ANKRD52: variants seen among roughly 807,000 people sequenced by gnomAD.
The protein encoded by ANKRD52 is serine/threonine-protein phosphatase 6 regulatory ankyrin repeat subunit C.
In ANKRD52, 7 loss-of-function variants were observed where a neutral mutation model predicts 116.0. That is an observed-to-expected ratio of 0.06 (90% CI 0.03 to 0.11). The LOEUF (loss-of-function observed/expected upper bound fraction) is 0.11, where lower values mean the gene tolerates loss of function less well. ANKRD52 is among the 10% of genes least tolerant of loss of function. The pLI is 1.00. For synonymous variants in ANKRD52, 528 were observed against 578.1 expected, an observed-to-expected ratio of 0.91 and a Z score of 1.24; for missense variants, 839 against 1,408.6, an observed-to-expected ratio of 0.60 and a Z score of 6.47.
Position 56,254,946 on chromosome 12 carries a change from T to A in ANKRD52, c.469A>T (p.Asn157Tyr), listed in dbSNP as rs1871875710. 1 of 1,612,626 alleles carries A rather than the reference T, an allele frequency of 6.2e-7. No individual in the cohort carries two copies. Among genetic ancestry groups the A allele is most frequent in the Admixed American group, 1.7e-5 (1 of 59,976 alleles). Residue 157 changes from asparagine to tyrosine, a missense_variant, in exon 6 of 28, where the codon AAC becomes TAC. Physicochemically the swap from Asn to Tyr is moderately radical, Grantham distance 143 (BLOSUM62 -2). Coordinates refer to ENST00000267116, the MANE Select transcript of ANKRD52 (RefSeq NM_173595.4). The surrounding 1 kb of genome is among the most constrained non-coding windows in gnomAD (Gnocchi z 4.6). ...AVHSGHLETV[N>Y]LLLNKGASLN... The stretch of plus-strand genomic sequence containing the variant: ...CTGGCTCCCTTGTTGAGGAGCAGGT[T>A]CACCGTCTGCATCAGGATATGAAAG...
intron 3 of ANKRD52, 28 bp from the exon 4 acceptor site, chr12:56,257,113 T>C: frequency 1.2e-6 from 2 of 1,606,176 alleles, no homozygotes; most frequent in Non-Finnish European, 1.7e-6. Context: ...CCTATTTTGA[T>C]GGAAGGTGGG....
In ANKRD52 at chr12:56,258,357, G is replaced by A; in HGVS notation, c.-88C>T. The A allele has an allele frequency of 7.4e-7, 1 of 1,354,838 alleles. No homozygotes were observed. The allele number at this position is 1,354,838 out of a possible 1,614,324, so 83.9% of individuals were successfully genotyped here. ...ACACGGAGCGGCCCAGGCGGCGGCT[G>A]CGGTGGCGGCTGCAGGGAGAGCGCG... On this transcript the variant is annotated 5_prime_UTR_variant, in exon 1 of 28. Coordinates refer to ENST00000267116, the MANE Select transcript of ANKRD52 (RefSeq NM_173595.4).
In ANKRD52 at chr12:56,255,001, C is replaced by T. The variant is rs1871879854; in HGVS notation, c.463-49G>A. ...CTGTTCAGAGCTAGATTCGTGCCCT[C>T]AACCTACCTAAGAGCAGAGGCCTCA... On this transcript the variant is annotated intron_variant, in intron 5 of 27. Transcript: ENST00000267116. The surrounding 1 kb of genome is among the most constrained non-coding windows in gnomAD (Gnocchi z 4.3). 2 of 1,576,366 alleles carry T rather than the reference C, an allele frequency of 1.3e-6. No homozygotes were observed. The highest frequency in any genetic ancestry group is 2.7e-5 in the African/African-American group (2 of 74,180).
intron 4 of ANKRD52, 109 bp downstream of exon 4, chr12:56,256,906 T>TG: frequency 8.2e-7 from 1 of 1,219,930 alleles, no homozygotes; most frequent in Admixed American, 2.8e-5. Flanking sequence ...CCTCACTACC[T>TG]GGGGTAGAAC....
At chr12:56,249,219 T>G (rs931941652) in intron 15 of ANKRD52, among the ~76,000 whole-genome samples, 1 of 152,174 alleles carries the variant, frequency 6.6e-6, no homozygotes, top group African/African-American at 2.4e-5. Context: ...TGCTTTCTCC[T>G]CCCAGCCCAC....
chr12:56,245,584 A>T lies in ANKRD52; in HGVS notation c.2197T>A (p.Cys733Ser). 6.2e-7 allele frequency: 1 copy of T among 1,606,148 alleles called. No individual in the cohort carries two copies. Among genetic ancestry groups the T allele is most frequent in the Non-Finnish European group, 8.5e-7 (1 of 1,177,966 alleles). The change falls in exon 21 of 28, where the codon TGT (cysteine) becomes AGT (serine). Residue 733 changes from cysteine (C) to serine (S), a missense_variant. Cys to Ser is a moderately radical substitution (Grantham distance 112, BLOSUM62 -1). Coordinates refer to ENST00000267116, the MANE Select transcript of ANKRD52 (RefSeq NM_173595.4). ...AGCAGGGCAGCCAGGCAGTCCTCAC[A>T]GCCAGTCACTGCCTGTGAGTAACAT... ...TALHRGAVTG[C>S]EDCLAALLDH...
intron 2 of ANKRD52, 82 bp from the exon 3 acceptor site, chr12:56,257,443 A>C (rs555276004): frequency 8.1e-7 from 1 of 1,233,696 alleles, no homozygotes; most frequent in African/African-American, 1.5e-5. Flanking sequence ...TCAGAGCTCC[A>C]GGCCCTTCCC....
At position 56,248,378 on chromosome 12, in the gene ANKRD52, A is replaced by T. The variant is rs541884726; in HGVS notation, c.1776+117T>A. 9.1e-5 allele frequency: 129 copies of T among 1,412,794 alleles called. No homozygotes were observed. The East Asian group carries it at 1.3e-3, about 15-fold the overall frequency. 87.5% of individuals were successfully genotyped at this position (1,412,794 alleles called of 1,614,324 possible). On this transcript the variant is annotated intron_variant, in intron 17 of 27. Transcript: ENST00000267116. The surrounding 1 kb of genome is among the most constrained non-coding windows in gnomAD (Gnocchi z 5.1). ...AGGCTTCCTACCCTGCACTGTGCTT[A>T]TCCCCTCTCCCACAAAAAGGCAGAA...
Position 56,253,133 on chromosome 12 carries a change from A to T in ANKRD52, c.1101-47T>A. On this transcript the variant is annotated intron_variant, in intron 10 of 27. Transcript: ENST00000267116. The surrounding 1 kb of genome is among the most constrained non-coding windows in gnomAD (Gnocchi z 5.5). ...CAGTCCTTGGGTCAAGGAGGGACCA[A>T]GTAAGACCTCTTCTGTGACCTACCA... 1.3e-6 allele frequency: 2 copies of T among 1,501,264 alleles called. No homozygotes were observed. The highest frequency in any genetic ancestry group is 2.6e-5 in the South Asian group (2 of 78,050). The allele number at this position is 1,501,264 out of a possible 1,614,324, so 93.0% of individuals were successfully genotyped here. A position where few individuals can be genotyped will look rare whatever the true frequency, so the allele number is the denominator to read the frequency against.
chr12:56,253,693 TGA>T lies in ANKRD52; in HGVS notation c.985+27_985+28del. On this transcript the variant is annotated intron_variant, in intron 9 of 27. Coordinates refer to ENST00000267116, the MANE Select transcript of ANKRD52 (RefSeq NM_173595.4). This position sits in a 1 kb window ranked among gnomAD's most constrained non-coding sequence, Gnocchi z 5.5. The stretch of plus-strand genomic sequence containing the variant: ...ATGAGTTCCTTGGGGGAGGAGGGGA[TGA>T]GAGCACAAAGTCTCCCAGGTCCATA... The T allele has an allele frequency of 1.9e-6, 3 of 1,604,954 alleles. No homozygotes were observed. Among genetic ancestry groups the T allele is most frequent in the Non-Finnish European group, 1.7e-6 (2 of 1,172,452 alleles).
rs1165248332 is a variant in ANKRD52 at position 56,252,443 on chromosome 12, T to A, written c.1370+59A>T. ...GTCTCCAATCTAAACCCTTCCTCCC[T>A]CTACCATTTGTTTCTCTAATCAGAT... On this transcript the variant is annotated intron_variant, in intron 13 of 27. Coordinates refer to ENST00000267116, the MANE Select transcript of ANKRD52 (RefSeq NM_173595.4). This position sits in a 1 kb window ranked among gnomAD's most constrained non-coding sequence, Gnocchi z 4.7. The A allele has an allele frequency of 6.3e-7, 1 of 1,597,772 alleles. No homozygotes were observed. Among genetic ancestry groups the A allele is most frequent in the Non-Finnish European group, 8.6e-7 (1 of 1,165,678 alleles).
Position 56,242,379 on chromosome 12 carries a change from G to A in ANKRD52, c.*763C>T. 1 of 387,538 alleles carries A rather than the reference G, an allele frequency of 2.6e-6. No homozygotes were observed. Among genetic ancestry groups the A allele is most frequent in the Non-Finnish European group, 4.6e-6 (1 of 219,572 alleles). 24.0% of individuals were successfully genotyped at this position (387,538 alleles called of 1,614,324 possible). A position where few individuals can be genotyped will look rare whatever the true frequency, so the allele number is the denominator to read the frequency against. Reference sequence around the variant, plus strand: ...AAAAGAAGATAAAAGAAAGAAGCAAGGTTAAAGTGCGTGGTTAGGGGCCAG... The same window carrying A: ...AAAAGAAGATAAAAGAAAGAAGCAAAGTTAAAGTGCGTGGTTAGGGGCCAG... On this transcript the variant is annotated 3_prime_UTR_variant, in exon 28 of 28. Transcript: ENST00000267116. The surrounding 1 kb of genome is among the most constrained non-coding windows in gnomAD (Gnocchi z 4.3).
rs535339322 is a variant in ANKRD52 at position 56,248,360 on chromosome 12, C to A, written c.1776+135G>T. 9.6e-5 allele frequency: 134 copies of A among 1,395,018 alleles called. No individual in the cohort carries two copies. The highest frequency in any genetic ancestry group is 5.5e-4 in the Middle Eastern group (3 of 5,432). 86.4% of individuals were successfully genotyped at this position (1,395,018 alleles called of 1,614,324 possible). A position where few individuals can be genotyped will look rare whatever the true frequency, so the allele number is the denominator to read the frequency against. ...AGCTCCTTGGGCCCCTTAAGGCTTC[C>A]TACCCTGCACTGTGCTTATCCCCTC... On this transcript the variant is annotated intron_variant, in intron 17 of 27. Coordinates refer to ENST00000267116, the MANE Select transcript of ANKRD52 (RefSeq NM_173595.4). The surrounding 1 kb of genome is among the most constrained non-coding windows in gnomAD (Gnocchi z 5.1).
intron 15 of ANKRD52, among the ~76,000 whole-genome samples, chr12:56,251,240 C>T (rs1243754435): frequency 1.3e-5 from 2 of 151,018 alleles, no homozygotes; most frequent in African/African-American, 4.9e-5. Flanking sequence ...CACACCCGGC[C>T]TATTTTTAAT....
Position 56,247,714 on chromosome 12 carries a change from A to G in ANKRD52, c.2039T>C (p.Ile680Thr), listed in dbSNP as rs769405082. ...TCCATAGGCATCCATGACATCTGTG[A>G]TGTCAGCTCGTTCCCCACTGTCGAT... ...LLIDSGERAD[I>T]TDVMDAYGQT... is the part of the protein sequence containing the mutation. The change falls in exon 19 of 28, where the codon ATC becomes ACC. Residue 680 changes from isoleucine (I) to threonine (T), a missense_variant. Around this residue, in one of 2 missense-constraint regions of ANKRD52, gnomAD observed 552 missense variants for 810.6 expected, o/e 0.68. Coordinates refer to ENST00000267116, the MANE Select transcript of ANKRD52 (RefSeq NM_173595.4). 1 of 1,612,396 alleles carries G rather than the reference A, an allele frequency of 6.2e-7. No homozygotes were observed. The highest frequency in any genetic ancestry group is 1.7e-5 in the Admixed American group (1 of 59,804).
In ANKRD52 at chr12:56,255,025, C is replaced by T. The variant is rs1871881556; in HGVS notation, c.463-73G>A. ...TCAACCTACCTAAGAGCAGAGGCCT[C>T]ATCTCCTGAAAAGGCTGAGGCAGCC... is the stretch of plus-strand genomic sequence containing the variant. On this transcript the variant is annotated intron_variant, in intron 5 of 27. Coordinates refer to ENST00000267116, the MANE Select transcript of ANKRD52 (RefSeq NM_173595.4). This position sits in a 1 kb window ranked among gnomAD's most constrained non-coding sequence, Gnocchi z 4.3. 2 of 1,505,048 alleles carry T rather than the reference C, an allele frequency of 1.3e-6. No individual in the cohort carries two copies. The highest frequency in any genetic ancestry group is 2.8e-5 in the African/African-American group (2 of 72,596). 93.2% of individuals were successfully genotyped at this position (1,505,048 alleles called of 1,614,324 possible).
In ANKRD52 at chr12:56,244,509, T is replaced by A; in HGVS notation, c.2723-74A>T. On this transcript the variant is annotated intron_variant, in intron 24 of 27. Coordinates refer to ENST00000267116, the MANE Select transcript of ANKRD52 (RefSeq NM_173595.4). The surrounding 1 kb of genome is among the most constrained non-coding windows in gnomAD (Gnocchi z 4.9). ...AGCCATCCTGGCTCTCCACTTTGCATCCCGTCTGCAGATGGCGAGACATCC... is the reference window on the plus strand; with the variant it reads ...AGCCATCCTGGCTCTCCACTTTGCAACCCGTCTGCAGATGGCGAGACATCC... 1 of 1,597,540 alleles carries A rather than the reference T, an allele frequency of 6.3e-7. No individual in the cohort carries two copies. The highest frequency in any genetic ancestry group is 1.7e-5 in the Admixed American group (1 of 58,834).
At position 56,242,012 on chromosome 12, in the gene ANKRD52, T is replaced by C. The variant is rs1360548816; in HGVS notation, c.*1130A>G. 2.5e-6 allele frequency: 1 copy of C among 398,582 alleles called. No homozygotes were observed. The highest frequency in any genetic ancestry group is 4.4e-6 in the Non-Finnish European group (1 of 226,088). 24.7% of individuals were successfully genotyped at this position (398,582 alleles called of 1,614,324 possible). ...AAGCCTGGGTCCCGAGTAGCCACGG[T>C]CCCTTGTCGGCCCTGCCCCTCCTAC... On this transcript the variant is annotated 3_prime_UTR_variant, in exon 28 of 28. Coordinates refer to ENST00000267116, the MANE Select transcript of ANKRD52 (RefSeq NM_173595.4). This position sits in a 1 kb window ranked among gnomAD's most constrained non-coding sequence, Gnocchi z 4.3.
In ANKRD52 at chr12:56,242,807, G is replaced by C. The variant is rs927796680; in HGVS notation, c.*335C>G. ...AGGGGGACACAGAGAGGAGTCCCCA[G>C]GGAAGAGTCGGGGGAGCTGGCAGCA... On this transcript the variant is annotated 3_prime_UTR_variant, in exon 28 of 28. Coordinates refer to ENST00000267116, the MANE Select transcript of ANKRD52 (RefSeq NM_173595.4). The surrounding 1 kb of genome is among the most constrained non-coding windows in gnomAD (Gnocchi z 4.3). The C allele has an allele frequency of 1.6e-5, 5 of 305,700 alleles. No individual in the cohort carries two copies. Among genetic ancestry groups the C allele is most frequent in the Non-Finnish European group, 2.5e-5 (4 of 163,204 alleles). 18.9% of individuals were successfully genotyped at this position (305,700 alleles called of 1,614,324 possible). A position where few individuals can be genotyped will look rare whatever the true frequency, so the allele number is the denominator to read the frequency against.
Sources: allele counts gnomAD v4.1 joint callset (sites outside exome capture counted in the v4.1 genomes callset), GRCh38; gene constraint gnomAD v4.1.1; regional missense constraint gnomAD v4.1.1; non-coding constraint Gnocchi (gnomAD v3.1); transcripts MANE v1.5; gene names NCBI Gene and HGNC (gene_info 2026-07-23, HGNC 2026-07-21).